Variants in UBP1 observed in about 807,000 individuals in gnomAD.
UBP1 encodes upstream-binding protein 1.
Under a neutral mutation model 76.1 loss-of-function variants are expected in UBP1, and 22 were observed. The observed-to-expected ratio is 0.29, with a 90% CI of 0.21 to 0.41. The LOEUF (loss-of-function observed/expected upper bound fraction) is 0.41, where lower values mean the gene tolerates loss of function less well. Among genes scored for constraint, UBP1 ranks in the 10% least tolerant of loss-of-function variants. The pLI, the probability that UBP1 is intolerant of heterozygous loss-of-function variation, is 1.00. For missense variants in UBP1, 436 were observed against 668.1 expected, an observed-to-expected ratio of 0.65 and a Z score of 3.83; for synonymous variants, 224 against 237.1, an observed-to-expected ratio of 0.94 and a Z score of 0.51.
Position 33,411,661 on chromosome 3 carries a change from C to A in UBP1, c.475G>T (p.Asp159Tyr). Residue 159 changes from aspartate to tyrosine, a missense_variant, in exon 5 of 16, where the codon GAC becomes TAC. Asp to Tyr is a radical substitution (Grantham distance 160). Coordinates refer to ENST00000283629, the MANE Select transcript of UBP1 (RefSeq NM_014517.5). ...LDIPMSVGIIDTRTNPSQLNA... is the reference protein window; with the variant it reads ...LDIPMSVGIIYTRTNPSQLNA... The stretch of plus-strand genomic sequence containing the variant: ...AACTGGCTTGGATTCGTCCTTGTGT[C>A]AATTATTCCCACAGACATTGGAATA... 6.2e-7 allele frequency: 1 copy of A among 1,614,046 alleles called. No individual in the cohort carries two copies.
intron 1 of UBP1, among the ~76,000 whole-genome samples, chr3:33,428,181 CAAAAA>C (rs59049122): frequency 3.5e-5 from 2 of 57,232 alleles, no homozygotes; most frequent in South Asian, 7.9e-4. Flanking sequence ...GATTCCATCT[CAAAAA>C]AAAAAAAAAA....
intron 1 of UBP1, among the ~76,000 whole-genome samples, chr3:33,433,903 A>G (rs1046603875): frequency 4.7e-4 from 72 of 152,222 alleles, no homozygotes; most frequent in African/African-American, 1.7e-3. Context: ...CAGCCTGGGC[A>G]ACAAAGCAAG....
intron 9 of UBP1, among the ~76,000 whole-genome samples, chr3:33,402,427 T>G (rs995188361): frequency 1.3e-5 from 2 of 152,226 alleles, no homozygotes; most frequent in African/African-American, 4.8e-5. Flanking sequence ...ATAACCCATT[T>G]GATATAAGCA....
intron 2 of UBP1, among the ~76,000 whole-genome samples, chr3:33,422,508 G>T (rs1438648790): frequency 2.6e-5 from 4 of 152,136 alleles, no homozygotes; most frequent in Non-Finnish European, 4.4e-5. Flanking sequence ...TTTGAGCCCA[G>T]GAGTCGGAGA....
At position 33,425,729 on chromosome 3, in the gene UBP1, T is replaced by C. The variant is rs745958455; in HGVS notation, c.126A>G (p.Ala42=). The change falls in exon 2 of 16, where the codon GCA becomes GCG. Residue 42 remains alanine, a synonymous_variant. Coordinates refer to ENST00000283629, the MANE Select transcript of UBP1 (RefSeq NM_014517.5). ...AATCTTCCTGCTTGAAAATGGGCAA[T>C]GCCAAGACATCACTGAAAAGCAAAA... ...AGAYSMSDVL[A]LPIFKQEDSS... 2 of 1,587,822 alleles carry C rather than the reference T, an allele frequency of 1.3e-6. No individual in the cohort carries two copies. The highest frequency in any genetic ancestry group is 1.7e-6 in the Non-Finnish European group (2 of 1,160,094).
At chr3:33,392,795 A>G in intron 14 of UBP1, 181 bp from the exon 15 acceptor site, 1 of 565,872 alleles carries the variant, frequency 1.8e-6, no homozygotes, top group South Asian at 2.5e-5. Flanking sequence ...TGTGTTCACT[A>G]TGCCTGTCCA....
chr3:33,412,645 T>C, intron 4 of UBP1, 77 bp downstream of exon 4: 2 of 970,624 alleles, frequency 2.1e-6, no homozygotes, highest in South Asian at 1.4e-5. Flanking sequence ...AAGTAATTCA[T>C]GATGCCAACA....
intron 3 of UBP1, among the ~76,000 whole-genome samples, chr3:33,415,635 T>C (rs2044709388): frequency 1.3e-5 from 2 of 152,100 alleles, no homozygotes; most frequent in African/African-American, 4.8e-5. Context: ...AAAATTGTTC[T>C]AACATTTTTG....
chr3:33,400,132 G>T, intron 11 of UBP1, 57 bp downstream of exon 11: 1 of 1,173,758 alleles, frequency 8.5e-7, no homozygotes, highest in Non-Finnish European at 1.2e-6. Flanking sequence ...GTTAATAAAA[G>T]CACAGAAACA....
In UBP1 at chr3:33,405,144, TTCA is replaced by T. The variant is rs2044382877; in HGVS notation, c.928-2243_928-2241del. Among the ~76,000 whole-genome samples the T allele has an allele frequency of 2.6e-5, 4 of 152,242 alleles. No individual in the cohort carries two copies. The South Asian group carries it at 8.3e-4, about 32-fold the overall frequency. On this transcript the variant is annotated intron_variant, in intron 8 of 15. Coordinates refer to ENST00000283629, the MANE Select transcript of UBP1 (RefSeq NM_014517.5). ...AGGGTGATCATTTAAAAATTTCAGT[TTCA>T]TCATTTGAAGCCTCAGGAATAAAAA...
At chr3:33,430,410 G>C (rs755856966) in intron 1 of UBP1, among the ~76,000 whole-genome samples, 2 of 152,182 alleles carry the variant, frequency 1.3e-5, no homozygotes, top group Non-Finnish European at 2.9e-5. Context: ...AGGGCTCCCA[G>C]GGGTCTGACA....
rs2044496949 is a variant in UBP1 at position 33,408,784 on chromosome 3, G to C, written c.833C>G (p.Pro278Arg). ...TTILTEMRLEPIIEDAVEHEQ... is the reference protein window; with the variant it reads ...TTILTEMRLERIIEDAVEHEQ... ...ATGTTCAACTGCATCTTCAATTATA[G>C]GCTCAAGCCTCATCTGGACAAACAC... Residue 278 changes from proline to arginine, a missense_variant, in exon 8 of 16, where the codon CCT (proline) becomes CGT (arginine). Coordinates refer to ENST00000283629, the MANE Select transcript of UBP1 (RefSeq NM_014517.5). 2 of 1,613,632 alleles carry C rather than the reference G, an allele frequency of 1.2e-6. No individual in the cohort carries two copies. Among genetic ancestry groups the C allele is most frequent in the Non-Finnish European group, 1.7e-6 (2 of 1,179,826 alleles).
At chr3:33,391,355 G>C (rs1280802849) in intron 15 of UBP1, 3 of 152,136 alleles carry the variant, frequency 2.0e-5, no homozygotes, top group African/African-American at 7.2e-5. Flanking sequence ...TTTACATTTA[G>C]GAATCCCTCC....
Position 33,434,284 on chromosome 3 carries a change from A to G in UBP1, c.113+5452T>C, listed in dbSNP as rs2045165202. Among the ~76,000 whole-genome samples the G allele has an allele frequency of 2.0e-5, 3 of 147,900 alleles. No individual in the cohort carries two copies. In the Admixed American group the frequency reaches 2.1e-4, roughly 10 times the overall value. ...TGAAAGTAAGGTTTCAGTAGTCAGC[A>G]AATCCTTTTTTTTTTTTTTTTTTTT... On this transcript the variant is annotated intron_variant, in intron 1 of 15. Transcript: ENST00000283629.
At chr3:33,404,105 T>G (rs989863085) in intron 8 of UBP1, among the ~76,000 whole-genome samples, 2 of 151,856 alleles carry the variant, frequency 1.3e-5, no homozygotes, top group African/African-American at 4.8e-5. Context: ...TACCAAAAAA[T>G]AAAAACAATA....
intron 3 of UBP1, among the ~76,000 whole-genome samples, chr3:33,414,715 G>C (rs528624860): frequency 1.8e-4 from 28 of 152,258 alleles, no homozygotes; most frequent in African/African-American, 6.3e-4. Context: ...CTTAATCCCA[G>C]ACAAGCTTAC....
intron 7 of UBP1, 52 bp from the exon 8 acceptor site, chr3:33,408,849 G>T: frequency 7.0e-7 from 1 of 1,425,050 alleles, no homozygotes; most frequent in Non-Finnish European, 9.9e-7. Context: ...TACAAAGAAA[G>T]ATCTAACACC....
At chr3:33,412,684 T>A in intron 4 of UBP1, 38 bp downstream of exon 4, 2 of 1,300,072 alleles carry the variant, frequency 1.5e-6, no homozygotes, top group Non-Finnish European at 2.2e-6. Context: ...AGCTAAACAA[T>A]ACCCTCATCT....
chr3:33,434,682 C>CTTTTTTTTTTT (rs10709462), intron 1 of UBP1, among the ~76,000 whole-genome samples: 1 of 87,702 alleles, frequency 1.1e-5, no homozygotes, highest in African/African-American at 4.3e-5. Flanking sequence ...AATGGTTTTA[C>CTTTTTTTTTTT]TTTTTTTTTT....
Sources: gnomAD v4.1 joint callset for allele counts (sites outside exome capture counted in the v4.1 genomes callset) on GRCh38, gnomAD v4.1.1 for gene constraint, MANE v1.5 for transcripts, NCBI Gene and HGNC (gene_info 2026-07-23, HGNC 2026-07-21) for gene names.